The following PLEKHA2 variants were observed in gnomAD, a reference collection of about 807,000 sequenced individuals.
PLEKHA2 encodes pleckstrin homology domain containing A2, also known as pleckstrin homology domain-containing family A member 2.
A neutral mutation model predicts 53.2 loss-of-function variants in PLEKHA2; 28 were observed. The ratio of observed to expected loss-of-function variants is 0.53; its 90% CI spans 0.39 to 0.72. The LOEUF (loss-of-function observed/expected upper bound fraction) is 0.72. Ranked by LOEUF, PLEKHA2 falls within the 30% of genes least tolerant of loss-of-function variation. PLEKHA2 has a pLI of 0.00. For missense variants in PLEKHA2, 426 were observed against 537.9 expected (o/e 0.79, Z 2.06); for synonymous variants, 193 against 196.4 (o/e 0.98, Z 0.14).
chr8:38,907,153 C>T (rs1467117888), intron 1 of PLEKHA2, among the ~76,000 whole-genome samples: 2 of 152,160 alleles, frequency 1.3e-5, no homozygotes, highest in African/African-American at 2.4e-5. Flanking sequence ...TGAATATTTT[C>T]TGGAGCAAAA....
chr8:38,920,515 T>A (rs1189112275), intron 2 of PLEKHA2, among the ~76,000 whole-genome samples: 1 of 151,942 alleles, frequency 6.6e-6, no homozygotes, highest in Non-Finnish European at 1.5e-5. Flanking sequence ...CCTCAAGTGA[T>A]CTGCCTGCTT....
chr8:38,943,891 CT>C, intron 4 of PLEKHA2, 54 bp downstream of exon 4: 1 of 1,431,910 alleles, frequency 7.0e-7, no homozygotes. Flanking sequence ...GCAACTTCCT[CT>C]TTTGCATGGA....
chr8:38,952,071 G>T, intron 6 of PLEKHA2, 95 bp from the exon 7 acceptor site: 1 of 1,438,392 alleles, frequency 7.0e-7, no homozygotes, highest in Non-Finnish European at 9.4e-7. Flanking sequence ...TTTGACTTAG[G>T]GCAAAGAGGC....
At chr8:38,908,872 C>T (rs191913867) in intron 1 of PLEKHA2, among the ~76,000 whole-genome samples, 3 of 152,230 alleles carry the variant, frequency 2.0e-5, no homozygotes, top group Admixed American at 6.5e-5. Flanking sequence ...GGGCCAGGCG[C>T]GGTGGCTCAC....
chr8:38,968,317 A>G (rs185794117), intron 10 of PLEKHA2, among the ~76,000 whole-genome samples: 2 of 152,314 alleles, frequency 1.3e-5, no homozygotes, highest in East Asian at 3.9e-4. Flanking sequence ...GATGGACTTC[A>G]GCAGCGGATA....
intron 2 of PLEKHA2, among the ~76,000 whole-genome samples, chr8:38,934,984 A>G (rs1834466911): frequency 1.3e-5 from 2 of 152,134 alleles, no homozygotes; most frequent in African/African-American, 4.8e-5. Context: ...ACCAGGGACA[A>G]TTAATTCCAA....
At chr8:38,932,108 A>G (rs964327868) in intron 2 of PLEKHA2, among the ~76,000 whole-genome samples, 2 of 152,058 alleles carry the variant, frequency 1.3e-5, no homozygotes, top group Non-Finnish European at 2.9e-5. Context: ...TTCCCACCTC[A>G]GCTTCCCACA....
rs1835209948 is a variant in PLEKHA2, at chr8:38,969,717, G to A, written c.1212G>A (p.Gln404=). 7.0e-7 allele frequency: 1 copy of A among 1,435,082 alleles called. No homozygotes were observed. Among genetic ancestry groups the A allele is most frequent in the African/African-American group, 1.5e-5 (1 of 68,518 alleles). The allele number at this position is 1,435,082 out of a possible 1,614,324, so 88.9% of individuals were successfully genotyped here. The change falls in exon 12 of 12, where the codon CAG becomes CAA. Residue 404 remains glutamine (Q), a synonymous_variant. Coordinates refer to ENST00000617275, the MANE Select transcript of PLEKHA2 (RefSeq NM_021623.2). ...GGATAAGGCACAGATCGGAGCCCCA[G>A]CACCCCAAGGAGAAGCCGTTTATGT... is the stretch of plus-strand genomic sequence containing the variant. ...SSRIRHRSEP[Q]HPKEKPFMFN...
At chr8:38,936,098 T>A in intron 3 of PLEKHA2, 48 bp downstream of exon 3, 2 of 1,585,376 alleles carry the variant, frequency 1.3e-6, no homozygotes. Context: ...TAAGTCGATC[T>A]GGTTTCTAAG....
chr8:38,902,516 C>T (rs150135798), intron 1 of PLEKHA2, among the ~76,000 whole-genome samples: 2,926 of 152,252 alleles, frequency 0.019, 36 homozygotes, highest in Middle Eastern at 0.058. Flanking sequence ...GGAGAGCACC[C>T]CACCAGAAAG....
chr8:38,912,246 G>T (rs1442154020), intron 1 of PLEKHA2, among the ~76,000 whole-genome samples: 1 of 152,214 alleles, frequency 6.6e-6, no homozygotes, highest in Non-Finnish European at 1.5e-5. Flanking sequence ...GGAGGTTGAA[G>T]TGTGCCGAGA....
intron 6 of PLEKHA2, among the ~76,000 whole-genome samples, chr8:38,951,331 G>T (rs1224461678): frequency 5.9e-5 from 9 of 152,082 alleles, no homozygotes; most frequent in Non-Finnish European, 1.3e-4. Context: ...GTCCCTGCTG[G>T]TTCACATTCC....
chr8:38,942,300 G>A (rs1240039726), intron 3 of PLEKHA2, among the ~76,000 whole-genome samples: 4 of 152,130 alleles, frequency 2.6e-5, no homozygotes, highest in Non-Finnish European at 4.4e-5. Flanking sequence ...CTACTCAGGA[G>A]GGTGAGGTGG....
At chr8:38,950,561 C>G in intron 5 of PLEKHA2, 1 of 284,706 alleles carries the variant, frequency 3.5e-6, no homozygotes, top group Non-Finnish European at 6.6e-6. Context: ...TGGGGACCCA[C>G]GTGTGTTTCG....
rs373829753 is a variant in PLEKHA2, at chr8:38,947,239, C to T, written c.345+1018C>T. ...TTGTAATTCCAGCACTTTGGGAGGC[C>T]GAGGTGGGTGGATCACCTGTGGCCA... On this transcript the variant is annotated intron_variant, in intron 5 of 11. Coordinates refer to ENST00000617275, the MANE Select transcript of PLEKHA2 (RefSeq NM_021623.2). Among the ~76,000 whole-genome samples, 12 of 151,948 alleles carry T rather than the reference C, an allele frequency of 7.9e-5. No homozygotes were observed. The South Asian group carries it at 2.1e-3, about 26-fold the overall frequency.
rs56714628 is a variant in PLEKHA2, at chr8:38,964,852, C to CTTT, written c.838-3712_838-3710dup. Among the ~76,000 whole-genome samples the CTTT allele has an allele frequency of 3.6e-3, 197 of 54,982 alleles. 77 individuals carry two copies. The highest frequency in any genetic ancestry group is 0.035 in the East Asian group (41 of 1,176). 36.1% of individuals were successfully genotyped at this position (54,982 alleles called of 152,430 possible). ...TATTTTATTTTTTCTTGTTACTTCC[C>CTTT]TTTTTTTTTTTTTTTTTTTTTTTTT... is the stretch of plus-strand genomic sequence containing the variant. On this transcript the variant is annotated intron_variant, in intron 10 of 11. Transcript: ENST00000617275.
At chr8:38,928,170 C>T (rs1834320610) in intron 2 of PLEKHA2, among the ~76,000 whole-genome samples, 1 of 149,504 alleles carries the variant, frequency 6.7e-6, no homozygotes, top group South Asian at 2.1e-4. Flanking sequence ...TTTAGGTGGC[C>T]AGCAGTCAGA....
intron 1 of PLEKHA2, among the ~76,000 whole-genome samples, chr8:38,916,265 C>T (rs758579280): frequency 6.6e-6 from 1 of 152,222 alleles, no homozygotes; most frequent in Non-Finnish European, 1.5e-5. Context: ...GCATGAGCCA[C>T]CATGCCTGGC....
chr8:38,905,607 C>G (rs1379935161), intron 1 of PLEKHA2, among the ~76,000 whole-genome samples: 5 of 152,010 alleles, frequency 3.3e-5, no homozygotes, highest in East Asian at 3.8e-4. Context: ...ACGCTCCCCC[C>G]TCACCACTCC....
Sources: allele counts gnomAD v4.1 joint callset (sites outside exome capture counted in the v4.1 genomes callset), GRCh38; gene constraint gnomAD v4.1.1; transcripts MANE v1.5; gene names NCBI Gene and HGNC (gene_info 2026-07-23, HGNC 2026-07-21).